FER1L6: variants seen among roughly 807,000 people sequenced by gnomAD.
The protein encoded by FER1L6 is fer-1-like protein 6.
FER1L6 carries 177 observed loss-of-function variants against 219.2 expected under a neutral mutation model. The observed-to-expected ratio is 0.81, with a 90% CI of 0.71 to 0.91. The LOEUF (loss-of-function observed/expected upper bound fraction) is 0.91, where lower values mean the gene tolerates loss of function less well. FER1L6 is among the 40% of genes least tolerant of loss of function. The pLI is 0.00. For missense variants in FER1L6, 2,153 were observed against 2,259.9 expected (o/e 0.95, Z 0.96); for synonymous variants, 768 against 824.3 (o/e 0.93, Z 1.17).
rs1823270637 is a variant in FER1L6 at position 124,116,845 on chromosome 8, CA to C, written c.5290-1998del. 2.0e-5 allele frequency among the ~76,000 whole-genome samples: 3 copies of C among 152,250 alleles called. No individual in the cohort carries two copies. The South Asian group carries it at 6.2e-4, about 32-fold the overall frequency. On this transcript the variant is annotated intron_variant, in intron 39 of 40. Coordinates refer to ENST00000522917, the MANE Select transcript of FER1L6 (RefSeq NM_001039112.2). ...TTTTGTACATTGGAGACCATTTTTC[CA>C]TGAGTTTTGGACTTATTTCTTGAGT...
In FER1L6 at chr8:123,867,627, G is replaced by C. The variant is rs374850883; in HGVS notation, c.-8+15442G>C. Among the ~76,000 whole-genome samples, 38 of 152,216 alleles carry C rather than the reference G, an allele frequency of 2.5e-4. No homozygotes were observed. The East Asian group carries it at 3.1e-3, about 12-fold the overall frequency. The stretch of plus-strand genomic sequence containing the variant: ...AGTACCTACCTTCTATGGTTGTTTT[G>C]AGAATAAAAATGAGTTGATTTACCT... On this transcript the variant is annotated intron_variant, in intron 1 of 40. Transcript: ENST00000522917.
chr8:123,888,395 G>A (rs1817243561), intron 1 of FER1L6, among the ~76,000 whole-genome samples: 1 of 152,160 alleles, frequency 6.6e-6, no homozygotes, highest in Non-Finnish European at 1.5e-5. Flanking sequence ...GGGATTACAG[G>A]TGTGAGCCAC....
intron 1 of FER1L6, among the ~76,000 whole-genome samples, chr8:123,881,160 C>T (rs758126027): frequency 3.3e-5 from 5 of 152,108 alleles, no homozygotes; most frequent in Non-Finnish European, 7.4e-5. Flanking sequence ...ATATCTTTTC[C>T]TCACTTGGGA....
chr8:123,882,541 G>A (rs1054072743), intron 1 of FER1L6, among the ~76,000 whole-genome samples: 28 of 152,190 alleles, frequency 1.8e-4, no homozygotes, highest in African/African-American at 5.5e-4. Flanking sequence ...GAACACAGCC[G>A]TTGATCAGGA....
At chr8:123,874,713 T>C (rs1019207829) in intron 1 of FER1L6, among the ~76,000 whole-genome samples, 9 of 152,322 alleles carry the variant, frequency 5.9e-5, no homozygotes, top group African/African-American at 1.9e-4. Context: ...GTATTCCAGT[T>C]GTTCTTCTCC....
intron 37 of FER1L6, among the ~76,000 whole-genome samples, chr8:124,098,507 G>A (rs969006793): frequency 1.3e-5 from 2 of 152,052 alleles, no homozygotes; most frequent in African/African-American, 4.8e-5. Flanking sequence ...CAGAATGTAC[G>A]TTATCAATGA....
intron 1 of FER1L6, among the ~76,000 whole-genome samples, chr8:123,880,415 G>A (rs964119468): frequency 1.3e-5 from 2 of 152,152 alleles, no homozygotes; most frequent in Admixed American, 1.3e-4. Context: ...TTATTCAGTT[G>A]AGGTTAATAT....
At chr8:124,060,405 C>A in intron 23 of FER1L6, 115 bp downstream of exon 23, 3 of 1,420,138 alleles carry the variant, frequency 2.1e-6, no homozygotes, top group Non-Finnish European at 2.9e-6. Context: ...AAAGAATGAG[C>A]CCTCAAAAAG....
At chr8:123,998,855 C>T (rs1345436223) in intron 12 of FER1L6, among the ~76,000 whole-genome samples, 3 of 152,210 alleles carry the variant, frequency 2.0e-5, no homozygotes, top group Non-Finnish European at 4.4e-5. Context: ...CCTAGCCCCA[C>T]AGCAAGTACT....
chr8:123,866,008 C>T (rs932014184), intron 1 of FER1L6, among the ~76,000 whole-genome samples: 1 of 151,224 alleles, frequency 6.6e-6, no homozygotes, highest in Non-Finnish European at 1.5e-5. Context: ...CTCCTCCCCC[C>T]CACATTTTCT....
intron 39 of FER1L6, among the ~76,000 whole-genome samples, chr8:124,105,650 T>C (rs760889109): frequency 1.2e-4 from 19 of 152,174 alleles, no homozygotes; most frequent in African/African-American, 2.9e-4. Flanking sequence ...GATGTGCCCA[T>C]TGGACTTAAC....
chr8:124,027,995 A>G (rs531691474), intron 18 of FER1L6, among the ~76,000 whole-genome samples: 33 of 152,350 alleles, frequency 2.2e-4, no homozygotes, highest in African/African-American at 7.9e-4. Context: ...GGCAAGAAAT[A>G]TTTATATTAA....
At chr8:123,881,350 C>T (rs886804638) in intron 1 of FER1L6, among the ~76,000 whole-genome samples, 3 of 152,134 alleles carry the variant, frequency 2.0e-5, no homozygotes, top group Non-Finnish European at 4.4e-5. Context: ...GGCAAGAATG[C>T]AGAATGTACC....
Position 123,977,614 on chromosome 8 carries a change from A to G in FER1L6, c.1063+5A>G, listed in dbSNP as rs1816146136. 6.2e-7 allele frequency: 1 copy of G among 1,613,050 alleles called. No homozygotes were observed. The highest frequency in any genetic ancestry group is 1.3e-5 in the African/African-American group (1 of 74,896). ...ACGAACAGGATGGAGACAAAGGTAAAGTCCCATCCATCTGACTTGAAAAAT... is the reference window on the plus strand; with the variant it reads ...ACGAACAGGATGGAGACAAAGGTAAGGTCCCATCCATCTGACTTGAAAAAT... On this transcript the variant is annotated splice_donor_5th_base_variant and intron_variant, in intron 10 of 40. Coordinates refer to ENST00000522917, the MANE Select transcript of FER1L6 (RefSeq NM_001039112.2).
chr8:124,046,095 A>C lies in FER1L6; in HGVS notation c.2724+194A>C, dbSNP rs184303222. The stretch of plus-strand genomic sequence containing the variant: ...ATTGGTGATGATCATTTGCTTTACT[A>C]AAAGAGTTTTTCACTGACTTCCATT... On this transcript the variant is annotated intron_variant, in intron 21 of 40. Coordinates refer to ENST00000522917, the MANE Select transcript of FER1L6 (RefSeq NM_001039112.2). 5.5e-6 allele frequency: 3 copies of C among 547,586 alleles called. No homozygotes were observed. The East Asian group carries it at 9.3e-5, about 17-fold the overall frequency. The allele number at this position is 547,586 out of a possible 1,614,324, so 33.9% of individuals were successfully genotyped here.
chr8:123,936,557 C>T (rs1487557239), intron 1 of FER1L6, among the ~76,000 whole-genome samples: 1 of 146,540 alleles, frequency 6.8e-6, no homozygotes, highest in Non-Finnish European at 1.5e-5. Flanking sequence ...ACACAATCAC[C>T]TGGCATTTTC....
At chr8:124,049,043 CTTTT>C (rs11288786) in intron 21 of FER1L6, among the ~76,000 whole-genome samples, 8 of 146,454 alleles carry the variant, frequency 5.5e-5, no homozygotes, top group African/African-American at 1.8e-4. Flanking sequence ...CCCCCACCAC[CTTTT>C]TTTTTTTCTT....
chr8:124,079,409 C>T (rs549484006), intron 32 of FER1L6, among the ~76,000 whole-genome samples: 1 of 152,282 alleles, frequency 6.6e-6, no homozygotes, highest in South Asian at 2.1e-4. Context: ...CTTAGATTAT[C>T]AAGGAGAATC....
chr8:123,954,114 C>T (rs2130111774), intron 1 of FER1L6, among the ~76,000 whole-genome samples: 1 of 152,248 alleles, frequency 6.6e-6, no homozygotes, highest in Non-Finnish European at 1.5e-5. Context: ...TAGAGTAGTT[C>T]TTTCCATTAT....
Sources: allele counts gnomAD v4.1 joint callset (sites outside exome capture counted in the v4.1 genomes callset), GRCh38; gene constraint gnomAD v4.1.1; transcripts MANE v1.5; gene names NCBI Gene and HGNC (gene_info 2026-07-23, HGNC 2026-07-21).